The following KNTC1 variants were observed in gnomAD, a reference collection of about 807,000 sequenced individuals.
KNTC1 encodes the protein kinetochore-associated protein 1.
A neutral mutation model predicts 314.4 loss-of-function variants in KNTC1; 253 were observed. The ratio of observed to expected loss-of-function variants is 0.80; its 90% CI spans 0.73 to 0.89. KNTC1 has a LOEUF of 0.89. Among genes scored for constraint, KNTC1 ranks in the 40% least tolerant of loss-of-function variants. The pLI, the probability that KNTC1 is intolerant of heterozygous loss-of-function variation, is 0.00. For missense variants in KNTC1, 2,475 were observed against 2,572.9 expected, an observed-to-expected ratio of 0.96 and a Z score of 0.82; for synonymous variants, 901 against 901.4, an observed-to-expected ratio of 1.00 and a Z score of 0.01.
At chr12:122,570,795 G>GA (rs879295601) in intron 22 of KNTC1, 81 bp from the exon 23 acceptor site, 140 of 943,768 alleles carry the variant, frequency 1.5e-4, no homozygotes, top group Non-Finnish European at 1.8e-4. Context: ...ATATTTAAAG[G>GA]AAAAAAAAGA....
chr12:122,568,941 A>G (rs12227778), intron 21 of KNTC1, among the ~76,000 whole-genome samples: 33,105 of 152,126 alleles, frequency 0.22, 4,530 homozygotes, highest in East Asian at 0.45. Context: ...ATTTTATCCA[A>G]TCATTAAGAA....
At chr12:122,544,958 G>A (rs531380687) in intron 8 of KNTC1, among the ~76,000 whole-genome samples, 1 of 152,240 alleles carries the variant, frequency 6.6e-6, no homozygotes, top group South Asian at 2.1e-4. Context: ...GGCTAGCTAG[G>A]CTACTTGCAA....
chr12:122,593,979 A>G (rs1053302619), intron 42 of KNTC1: 12 of 327,692 alleles, frequency 3.7e-5, no homozygotes, highest in African/African-American at 1.3e-4. Flanking sequence ...CAGAAATGCT[A>G]TATGTTTTGA....
At position 122,588,541 on chromosome 12, in the gene KNTC1, C is replaced by G. The variant is rs145875850; in HGVS notation, c.3895-171C>G. Among the ~76,000 whole-genome samples, 409 of 152,262 alleles carry G rather than the reference C, an allele frequency of 2.7e-3. 2 individuals are homozygous for G. The highest frequency in any genetic ancestry group is 8.9e-3 in the African/African-American group (370 of 41,546). On this transcript the variant is annotated intron_variant, in intron 39 of 63. Coordinates refer to ENST00000333479, the MANE Select transcript of KNTC1 (RefSeq NM_014708.6). Reference sequence around the variant, plus strand: ...AGACTTAGGGTATTTTTAATGCTTCCTCTTTGCTCCCTCCCAGTCAGTCCC... The same window carrying G: ...AGACTTAGGGTATTTTTAATGCTTCGTCTTTGCTCCCTCCCAGTCAGTCCC...
Position 122,541,566 on chromosome 12 carries a change from C to T in KNTC1, c.446-484C>T, listed in dbSNP as rs940997956. On this transcript the variant is annotated intron_variant, in intron 5 of 63. Coordinates refer to ENST00000333479, the MANE Select transcript of KNTC1 (RefSeq NM_014708.6). Reference sequence around the variant, plus strand: ...TTCACCATGTTGGTCAGGCTGGTCTCGAGCTCCTGACCTCGTGATCTACCT... The same window carrying T: ...TTCACCATGTTGGTCAGGCTGGTCTTGAGCTCCTGACCTCGTGATCTACCT... Among the ~76,000 whole-genome samples the T allele has an allele frequency of 6.0e-5, 9 of 151,130 alleles. No individual in the cohort carries two copies. The East Asian group carries it at 1.2e-3, about 20-fold the overall frequency.
At chr12:122,601,285 C>T (rs1035170445) in intron 44 of KNTC1, among the ~76,000 whole-genome samples, 2 of 151,902 alleles carry the variant, frequency 1.3e-5, no homozygotes, top group African/African-American at 4.8e-5. Context: ...CGGGGTTTCA[C>T]CGTGTTTGCC....
chr12:122,596,037 A>C (rs1870985474), intron 43 of KNTC1, among the ~76,000 whole-genome samples: 1 of 152,108 alleles, frequency 6.6e-6, no homozygotes, highest in Admixed American at 6.6e-5. Context: ...ATAGGGTCTA[A>C]AAAGGCATTT....
In KNTC1 at chr12:122,615,167, T is replaced by G. The variant is rs2138169499; in HGVS notation, c.5973+81T>G. On this transcript the variant is annotated intron_variant, in intron 56 of 63. Coordinates refer to ENST00000333479, the MANE Select transcript of KNTC1 (RefSeq NM_014708.6). ...CCCCTAAACATTTTGGATTGATACT[T>G]GTTATGGAACAGATTTATGCTGAAA... The G allele has an allele frequency of 3.9e-6, 4 of 1,013,628 alleles. 1 individual carries two copies. In the Middle Eastern group the frequency reaches 8.2e-4, roughly 208 times the overall value. The allele number at this position is 1,013,628 out of a possible 1,614,324, so 62.8% of individuals were successfully genotyped here. A position where few individuals can be genotyped will look rare whatever the true frequency, so the allele number is the denominator to read the frequency against.
At chr12:122,545,410 T>C (rs1227854438) in intron 8 of KNTC1, among the ~76,000 whole-genome samples, 5 of 150,860 alleles carry the variant, frequency 3.3e-5, no homozygotes, top group Non-Finnish European at 5.9e-5. Context: ...AGATCCTGTC[T>C]CTAAAAAGAG....
At chr12:122,625,289 G>C (rs1423819462) in intron 63 of KNTC1, among the ~76,000 whole-genome samples, 1 of 152,082 alleles carries the variant, frequency 6.6e-6, no homozygotes, top group Non-Finnish European at 1.5e-5. Context: ...TGTAATCCCA[G>C]CTACTCGGGA....
chr12:122,570,904 C>A lies in KNTC1; in HGVS notation c.1889C>A (p.Ala630Glu). The change falls in exon 23 of 64, where the codon GCA becomes GAA. Residue 630 changes from alanine to glutamate, a missense_variant. By Grantham distance (107) the Ala-to-Glu change is moderately radical. Transcript: ENST00000333479. ...ATTCTTGCAAAATGGTTGGAACAAG[C>A]AGCCAGGAACCTTGAATTAACTGAT... ...QIILAKWLEQ[A>E]ARNLELTDKA... 6.4e-7 allele frequency: 1 copy of A among 1,559,748 alleles called. No homozygotes were observed. Among genetic ancestry groups the A allele is most frequent in the Non-Finnish European group, 8.7e-7 (1 of 1,149,220 alleles).
At position 122,580,625 on chromosome 12, in the gene KNTC1, A is replaced by G; in HGVS notation, c.2937A>G (p.Glu979=). The G allele has an allele frequency of 6.4e-7, 1 of 1,570,908 alleles. No homozygotes were observed. Among genetic ancestry groups the G allele is most frequent in the Non-Finnish European group, 8.6e-7 (1 of 1,156,072 alleles). Residue 979 remains glutamate (E), a synonymous_variant, in exon 33 of 64, where the codon GAA becomes GAG. Transcript: ENST00000333479. ...CAGACAATCTGCAGAAGAAGGACGA[A>G]TGTGAAGAAATGTTGAAACTATTTA... ...IQKDNLQKKD[E]CEEMLKLFKE...
chr12:122,534,551 A>ATT, intron 2 of KNTC1, 113 bp from the exon 3 acceptor site: 1 of 988,048 alleles, frequency 1.0e-6, no homozygotes, highest in South Asian at 1.6e-5. Flanking sequence ...TAAAGAAAAA[A>ATT]AGCCTGTCAA....
At chr12:122,621,790 A>C in intron 60 of KNTC1, 91 bp from the exon 61 acceptor site, 1 of 761,920 alleles carries the variant, frequency 1.3e-6, no homozygotes, top group Non-Finnish European at 2.2e-6. Flanking sequence ...TTCTTTTGGC[A>C]CTTAGAAGAG....
chr12:122,604,641 T>C lies in KNTC1; in HGVS notation c.5175+4T>C. On this transcript the variant is annotated splice_donor_region_variant and intron_variant, in intron 49 of 63. Transcript: ENST00000333479. ...GCTACAGAATATCCCATCGCAGGTG[T>C]GTCTGAACTATCAGATTGGCGGCTT... The C allele has an allele frequency of 6.3e-7, 1 of 1,579,588 alleles. No individual in the cohort carries two copies. The highest frequency in any genetic ancestry group is 8.7e-7 in the Non-Finnish European group (1 of 1,150,322).
chr12:122,604,860 T>C lies in KNTC1; in HGVS notation c.5176-17T>C. 6.3e-7 allele frequency: 1 copy of C among 1,582,934 alleles called. No individual in the cohort carries two copies. The highest frequency in any genetic ancestry group is 8.6e-7 in the Non-Finnish European group (1 of 1,163,722). ...TTACAAAGTAAGATTTTCTTTTTGC[T>C]TGGAATTGTTTAAAAGGACGAAAAA... is the stretch of plus-strand genomic sequence containing the variant. On this transcript the variant is annotated splice_polypyrimidine_tract_variant and intron_variant, in intron 49 of 63. Transcript: ENST00000333479.
chr12:122,585,596 C>T (rs1436883097), intron 36 of KNTC1, 40 bp from the exon 37 acceptor site: 9 of 1,606,014 alleles, frequency 5.6e-6, no homozygotes, highest in African/African-American at 4.0e-5. Flanking sequence ...TGTTGTGCAG[C>T]GTACTGAGTT....
chr12:122,569,587 C>T lies in KNTC1; in HGVS notation c.1717-94C>T, dbSNP rs943105876. The stretch of plus-strand genomic sequence containing the variant: ...CTCATTATTAAATCAGTAGGCTACT[C>T]CTTAAAATGACTTCCTAAAATATCT... On this transcript the variant is annotated intron_variant, in intron 21 of 63. Coordinates refer to ENST00000333479, the MANE Select transcript of KNTC1 (RefSeq NM_014708.6). The T allele has an allele frequency of 1.1e-5, 12 of 1,082,142 alleles. No homozygotes were observed. In the African/African-American group the frequency reaches 1.7e-4, roughly 16 times the overall value. 67.0% of individuals were successfully genotyped at this position (1,082,142 alleles called of 1,614,324 possible). A position where few individuals can be genotyped will look rare whatever the true frequency, so the allele number is the denominator to read the frequency against.
chr12:122,541,775 C>G (rs1282165529), intron 5 of KNTC1, among the ~76,000 whole-genome samples: 7 of 151,756 alleles, frequency 4.6e-5, no homozygotes, highest in Non-Finnish European at 8.8e-5. Flanking sequence ...AATCCCAGCA[C>G]TTTGGGAGGC....
Sources: gnomAD v4.1 joint callset for allele counts (sites outside exome capture counted in the v4.1 genomes callset) on GRCh38, gnomAD v4.1.1 for gene constraint, MANE v1.5 for transcripts, NCBI Gene and HGNC (gene_info 2026-07-23, HGNC 2026-07-21) for gene names.